The following NT5E variants were observed in gnomAD, a reference collection of about 807,000 sequenced individuals.
The protein encoded by NT5E is 5'-nucleotidase.
NT5E carries 53 observed loss-of-function variants against 55.1 expected under a neutral mutation model. The ratio of observed to expected loss-of-function variants is 0.96; its 90% confidence interval spans 0.77 to 1.21. The LOEUF (loss-of-function observed/expected upper bound fraction) is 1.21, where lower values mean the gene tolerates loss of function less well. Among genes scored for constraint, NT5E ranks in the 50% most tolerant of loss-of-function variants. The pLI is 0.00. For missense variants in NT5E, 683 were observed against 724.3 expected (o/e 0.94, Z 0.65); for synonymous variants, 270 against 278.4 (o/e 0.97, Z 0.30).
intron 3 of NT5E, among the ~76,000 whole-genome samples, chr6:85,483,254 G>T (rs576474189): frequency 6.6e-6 from 1 of 152,340 alleles, no homozygotes; most frequent in East Asian, 1.9e-4. Context: ...CTCTCCCTGG[G>T]CGGGGCGTTC....
intron 1 of NT5E, among the ~76,000 whole-genome samples, chr6:85,456,635 A>G (rs1768997122): frequency 6.6e-6 from 1 of 152,174 alleles, no homozygotes; most frequent in African/African-American, 2.4e-5. Context: ...AGATGAGCAG[A>G]AAAGGGTGGG....
At position 85,450,526 on chromosome 6, in the gene NT5E, G is replaced by A. The variant is rs1301377183; in HGVS notation, c.339+48G>A. ...GGATAGTAGTCCCGGACTGAGAGAGGAGCCGGGCTGGAAAAGCAGCGGATG... is the reference window on the plus strand; with the variant it reads ...GGATAGTAGTCCCGGACTGAGAGAGAAGCCGGGCTGGAAAAGCAGCGGATG... On this transcript the variant is annotated intron_variant, in intron 1 of 8. Transcript: ENST00000257770. The surrounding 1 kb of genome is among the most constrained non-coding windows in gnomAD (Gnocchi z 4.0). The A allele has an allele frequency of 2.0e-6, 3 of 1,518,114 alleles. No homozygotes were observed. The highest frequency in any genetic ancestry group is 1.2e-5 in the South Asian group (1 of 83,638). 94.0% of individuals were successfully genotyped at this position (1,518,114 alleles called of 1,614,324 possible). A position where few individuals can be genotyped will look rare whatever the true frequency, so the allele number is the denominator to read the frequency against.
chr6:85,487,644 C>T (rs1392957737), intron 5 of NT5E, among the ~76,000 whole-genome samples, 155 bp downstream of exon 5: 1 of 152,188 alleles, frequency 6.6e-6, no homozygotes, highest in Non-Finnish European at 1.5e-5. Flanking sequence ...ATAGTCCCAG[C>T]TACTCGGGAG....
chr6:85,469,951 T>G (rs920392145), intron 2 of NT5E, among the ~76,000 whole-genome samples: 2 of 152,262 alleles, frequency 1.3e-5, no homozygotes, highest in African/African-American at 2.4e-5. Flanking sequence ...GATGCATTTC[T>G]AATAATCTTG....
At position 85,453,175 on chromosome 6, in the gene NT5E, G is replaced by A. The variant is rs1768922509; in HGVS notation, c.339+2697G>A. ...GTTAGTGTAGCTGTCTCAGTGGAAG[G>A]ACTGTTGTCCCCTGAGGCACGAGGA... On this transcript the variant is annotated intron_variant, in intron 1 of 8. Coordinates refer to ENST00000257770, the MANE Select transcript of NT5E (RefSeq NM_002526.4). Among the ~76,000 whole-genome samples, 4 of 152,164 alleles carry A rather than the reference G, an allele frequency of 2.6e-5. No individual in the cohort carries two copies. In the South Asian group the frequency reaches 8.3e-4, roughly 32 times the overall value.
chr6:85,457,325 C>T (rs4235825), intron 1 of NT5E, among the ~76,000 whole-genome samples: 144,605 of 152,242 alleles, frequency 0.95, 68,779 homozygotes, highest in East Asian at 1. Flanking sequence ...CTTCCACTTA[C>T]TAGCTGTGTG....
At chr6:85,465,058 A>G (rs1769163132) in intron 1 of NT5E, among the ~76,000 whole-genome samples, 2 of 152,186 alleles carry the variant, frequency 1.3e-5, no homozygotes, top group Non-Finnish European at 2.9e-5. Context: ...TTTTCGGTTT[A>G]CAGTTGAAGG....
intron 3 of NT5E, among the ~76,000 whole-genome samples, chr6:85,473,548 C>T (rs768005488): frequency 2.0e-5 from 3 of 152,072 alleles, no homozygotes; most frequent in Admixed American, 6.5e-5. Context: ...AACTATGACC[C>T]GTAGTAAGAA....
intron 5 of NT5E, among the ~76,000 whole-genome samples, chr6:85,489,095 G>A (rs930441968): frequency 6.6e-6 from 1 of 152,160 alleles, no homozygotes; most frequent in African/African-American, 2.4e-5. Context: ...CATGAGGTCT[G>A]GTGTTGAGCA....
intron 2 of NT5E, 56 bp downstream of exon 2, chr6:85,467,338 C>G: frequency 7.1e-7 from 1 of 1,406,554 alleles, no homozygotes; most frequent in East Asian, 2.3e-5. Context: ...TAAATCACAG[C>G]TTGGCATTAT....
chr6:85,488,035 C>T (rs1769702560), intron 5 of NT5E, among the ~76,000 whole-genome samples: 1 of 152,220 alleles, frequency 6.6e-6, no homozygotes, highest in African/African-American at 2.4e-5. Context: ...GTTTTTCACT[C>T]ATCTGTTCAC....
chr6:85,478,195 T>C (rs1769474378), intron 3 of NT5E, among the ~76,000 whole-genome samples: 2 of 152,196 alleles, frequency 1.3e-5, no homozygotes, highest in Admixed American at 1.3e-4. Context: ...GCCTTCTGGT[T>C]TGTAATTTTT....
rs753614011 is a variant in NT5E at position 85,489,573 on chromosome 6, G to A, written c.1184G>A (p.Arg395Gln). Residue 395 changes from arginine to glutamine, a missense_variant, in exon 6 of 9, where the codon CGG becomes CAG. Physicochemically the swap from Arg to Gln is conservative, Grantham distance 43 (BLOSUM62 1). Coordinates refer to ENST00000257770, the MANE Select transcript of NT5E (RefSeq NM_002526.4). ...SMCILNGGGI[R>Q]SPIDERNNGT... is the part of the protein sequence containing the mutation. ...TGCATTTTAAATGGAGGTGGTATCC[G>A]GTCGCCCATTGATGAACGCAACAAT... 2.0e-5 allele frequency: 33 copies of A among 1,613,524 alleles called. 1 individual carries two copies. The South Asian group carries it at 2.9e-4, about 14-fold the overall frequency.
At chr6:85,474,746 T>C (rs1225521659) in intron 3 of NT5E, among the ~76,000 whole-genome samples, 1 of 152,056 alleles carries the variant, frequency 6.6e-6, no homozygotes, top group African/African-American at 2.4e-5. Context: ...CTGGGCAAGA[T>C]AGGGAGACCC....
At chr6:85,466,618 C>T (rs892098688) in intron 1 of NT5E, among the ~76,000 whole-genome samples, 1 of 152,212 alleles carries the variant, frequency 6.6e-6, no homozygotes, top group Non-Finnish European at 1.5e-5. Context: ...GGCCTTTGGT[C>T]TCTGCCAACC....
intron 1 of NT5E, among the ~76,000 whole-genome samples, chr6:85,462,383 A>T (rs1283918422): frequency 6.6e-6 from 1 of 152,146 alleles, no homozygotes; most frequent in African/African-American, 2.4e-5. Context: ...TCTTAGCAGC[A>T]TCATTTTTTT....
At position 85,493,943 on chromosome 6, in the gene NT5E, A is replaced by T; in HGVS notation, c.1664A>T (p.His555Leu). 6.2e-7 allele frequency: 1 copy of T among 1,614,106 alleles called. No individual in the cohort carries two copies. Among genetic ancestry groups the T allele is most frequent in the East Asian group, 2.2e-5 (1 of 44,858 alleles). ...AAGTTTTCCACAGGAAGTCACTGCC[A>T]TGGAAGCTTTTCTTTAATATTTCTT... ...RIKFSTGSHC[H>L]GSFSLIFLSL... The change falls in exon 9 of 9, where the codon CAT becomes CTT. Residue 555 changes from histidine to leucine, a missense_variant. Transcript: ENST00000257770.
intron 3 of NT5E, among the ~76,000 whole-genome samples, chr6:85,478,300 C>T (rs1769476103): frequency 6.6e-6 from 1 of 152,198 alleles, no homozygotes; most frequent in Non-Finnish European, 1.5e-5. Flanking sequence ...AAAAGAATGA[C>T]TACAGAACGA....
At chr6:85,476,996 G>C (rs904956362) in intron 3 of NT5E, among the ~76,000 whole-genome samples, 1 of 152,166 alleles carries the variant, frequency 6.6e-6, no homozygotes, top group Non-Finnish European at 1.5e-5. Context: ...GTCCAGGCTT[G>C]AGGGTGGAGC....
Sources: allele counts gnomAD v4.1 joint callset (sites outside exome capture counted in the v4.1 genomes callset), GRCh38; gene constraint gnomAD v4.1.1; non-coding constraint Gnocchi (gnomAD v3.1); transcripts MANE v1.5; gene names NCBI Gene and HGNC (gene_info 2026-07-23, HGNC 2026-07-21).